The following CPEB2 variants were observed in gnomAD, a reference collection of about 807,000 sequenced individuals.
CPEB2 encodes the protein cytoplasmic polyadenylation element-binding protein 2.
In CPEB2, 56 loss-of-function variants were observed where a neutral mutation model predicts 93.6. The observed-to-expected ratio is 0.60, with a 90% CI of 0.48 to 0.75. The LOEUF (loss-of-function observed/expected upper bound fraction) is 0.75. Ranked by LOEUF, CPEB2 falls within the 30% of genes least tolerant of loss-of-function variation. The pLI is 0.00. For missense variants in CPEB2, 1,579 were observed against 1,395.1 expected, an observed-to-expected ratio of 1.13 and a Z score of -2.10; for synonymous variants, 764 against 586.3, an observed-to-expected ratio of 1.30 and a Z score of -4.38.
chr4:15,004,128 C>CGGGGGGGGGGGGGGG lies in CPEB2; in HGVS notation c.1457_1458insGGGGGGGGGGGGGGG (p.Gly483_Gly487dup). The CGGGGGGGGGGGGGGG allele has an allele frequency of 1.5e-6, 1 of 675,168 alleles. No homozygotes were observed. The highest frequency in any genetic ancestry group is 2.3e-6 in the Non-Finnish European group (1 of 426,806). The allele number at this position is 675,168 out of a possible 1,614,324, so 41.8% of individuals were successfully genotyped here. On this transcript the variant is annotated inframe_insertion, in exon 1 of 12. Coordinates refer to ENST00000538197, the MANE Select transcript of CPEB2 (RefSeq NM_001177382.2). ...GCGTTCCGACGAGCGGCGGCGGCGGCGGCGGCTTCGGCGGCCCCTTCTCGG... is the reference window on the plus strand; with the variant it reads ...GCGTTCCGACGAGCGGCGGCGGCGGCGGGGGGGGGGGGGGGGGCGGCTTCGGCGGCCCCTTCTCGG...
intron 1 of CPEB2, among the ~76,000 whole-genome samples, chr4:15,006,867 C>T (rs148562553): frequency 6.2e-4 from 95 of 152,206 alleles, no homozygotes; most frequent in African/African-American, 2.3e-3. Context: ...ATATATTTCA[C>T]TTGTATGAGT....
intron 5 of CPEB2, among the ~76,000 whole-genome samples, chr4:15,037,625 A>G (rs569701698): frequency 6.6e-6 from 1 of 152,316 alleles, no homozygotes; most frequent in South Asian, 2.1e-4. Flanking sequence ...AAAATTGTAA[A>G]GTCGCTTGTC....
rs763888753 is a variant in CPEB2, at chr4:15,004,146, C to T, written c.1473C>T (p.Pro491=). 2.8e-6 allele frequency: 4 copies of T among 1,451,876 alleles called. No homozygotes were observed. The highest frequency in any genetic ancestry group is 3.6e-6 in the Non-Finnish European group (4 of 1,097,582). The allele number at this position is 1,451,876 out of a possible 1,614,324, so 89.9% of individuals were successfully genotyped here. A position where few individuals can be genotyped will look rare whatever the true frequency, so the allele number is the denominator to read the frequency against. ...SGGGGGGFGG[P]FSATAVPPPP... is the part of the protein sequence containing the mutation. The stretch of plus-strand genomic sequence containing the variant: ...GCGGCGGCGGCGGCTTCGGCGGCCC[C>T]TTCTCGGCTACCGCTGTGCCCCCTC... The change falls in exon 1 of 12, where the codon CCC becomes CCT. Residue 491 remains proline, a synonymous_variant. Coordinates refer to ENST00000538197, the MANE Select transcript of CPEB2 (RefSeq NM_001177382.2).
In CPEB2 at chr4:15,067,776, T is replaced by G. The variant is rs1729803958; in HGVS notation, c.*1396T>G. On this transcript the variant is annotated 3_prime_UTR_variant, in exon 12 of 12. Transcript: ENST00000538197. ...TGAACTTGCTTATGTGTTTAACCTA[T>G]AAATATTGGGGTCTTCTGTCTAAAC... 1 of 152,424 alleles carries G rather than the reference T, an allele frequency of 6.6e-6. No homozygotes were observed. 9.4% of individuals were successfully genotyped at this position (152,424 alleles called of 1,614,324 possible).
intron 7 of CPEB2, among the ~76,000 whole-genome samples, chr4:15,053,246 G>A (rs1280227315): frequency 2.0e-5 from 3 of 151,956 alleles, no homozygotes; most frequent in Non-Finnish European, 4.4e-5. Context: ...TTGATCTCCT[G>A]ACCTCATGAT....
Position 15,043,492 on chromosome 4 carries a change from A to G in CPEB2, c.2200+3005A>G, listed in dbSNP as rs533467413. 2.4e-4 allele frequency among the ~76,000 whole-genome samples: 37 copies of G among 152,198 alleles called. No homozygotes were observed. The South Asian group carries it at 4.6e-3, about 19-fold the overall frequency. ...TTTAATATATGGAAAACTACTTATC[A>G]TTTGTATTTATTTTTTATTCATTGT... On this transcript the variant is annotated intron_variant, in intron 6 of 11. Coordinates refer to ENST00000538197, the MANE Select transcript of CPEB2 (RefSeq NM_001177382.2).
Position 15,003,773 on chromosome 4 carries a change from G to T in CPEB2, c.1100G>T (p.Gly367Val). ...GGGGPPGGGG[G>V]GGSASPPPLP... ...GGGGGGCCCCCAGGAGGCGGAGGGG[G>T]AGGCGGCTCCGCGTCGCCGCCGCCG... Residue 367 changes from glycine to valine, a missense_variant, in exon 1 of 12, where the codon GGA becomes GTA. This residue lies in a region of CPEB2 where 1,411 missense variants were observed against 1,056.0 expected (regional missense o/e 1.34). Coordinates refer to ENST00000538197, the MANE Select transcript of CPEB2 (RefSeq NM_001177382.2). 8.5e-7 allele frequency: 1 copy of T among 1,172,998 alleles called. No homozygotes were observed. Among genetic ancestry groups the T allele is most frequent in the Non-Finnish European group, 1.1e-6 (1 of 942,916 alleles). 72.7% of individuals were successfully genotyped at this position (1,172,998 alleles called of 1,614,324 possible). A position where few individuals can be genotyped will look rare whatever the true frequency, so the allele number is the denominator to read the frequency against.
chr4:15,026,071 G>A (rs1725424410), intron 4 of CPEB2, among the ~76,000 whole-genome samples: 1 of 152,046 alleles, frequency 6.6e-6, no homozygotes, highest in African/African-American at 2.4e-5. Flanking sequence ...TGTTCAGTTG[G>A]CAGTCTCTAA....
intron 4 of CPEB2, among the ~76,000 whole-genome samples, chr4:15,027,709 C>T (rs967841664): frequency 3.3e-5 from 5 of 152,104 alleles, no homozygotes; most frequent in African/African-American, 1.2e-4. Context: ...TATTAGATAT[C>T]TTCTATTAAG....
chr4:15,018,598 C>T lies in CPEB2; in HGVS notation c.2125+1320C>T, dbSNP rs186636425. The stretch of plus-strand genomic sequence containing the variant: ...CAGTTTCAGTGGTTTGTCTTAGATC[C>T]ACCATTTAGAATAGAAGCCAGCAGC... On this transcript the variant is annotated intron_variant, in intron 4 of 11. Transcript: ENST00000538197. Among the ~76,000 whole-genome samples, 48 of 150,816 alleles carry T rather than the reference C, an allele frequency of 3.2e-4. 1 individual carries two copies. The South Asian group carries it at 5.2e-3, about 16-fold the overall frequency.
chr4:15,047,237 G>C (rs1727796127), intron 6 of CPEB2, among the ~76,000 whole-genome samples: 1 of 151,952 alleles, frequency 6.6e-6, no homozygotes, highest in East Asian at 1.9e-4. Context: ...TGTTTGTTTT[G>C]TACGCTCTCC....
intron 1 of CPEB2, 57 bp downstream of exon 1, chr4:15,004,392 C>T: frequency 7.7e-7 from 1 of 1,291,156 alleles, no homozygotes; most frequent in Non-Finnish European, 1.0e-6. Context: ...GGGCGGGGGA[C>T]GGAGGCGGGG....
rs1477794351 is a variant in CPEB2 at position 15,002,772 on chromosome 4, G to A, written c.99G>A (p.Val33=). The A allele has an allele frequency of 4.6e-6, 7 of 1,535,408 alleles. No individual in the cohort carries two copies. The highest frequency in any genetic ancestry group is 1.2e-5 in the South Asian group (1 of 84,030). ...FCGEAYGPYA[V]GSVNPLPSAT... is the part of the protein sequence containing the mutation. ...GCGAGGCGTATGGTCCTTACGCCGTGGGGTCCGTCAACCCGCTGCCCTCCG... is the reference window on the plus strand; with the variant it reads ...GCGAGGCGTATGGTCCTTACGCCGTAGGGTCCGTCAACCCGCTGCCCTCCG... Residue 33 remains valine, a synonymous_variant, in exon 1 of 12, where the codon GTG becomes GTA. Coordinates refer to ENST00000538197, the MANE Select transcript of CPEB2 (RefSeq NM_001177382.2).
At chr4:15,015,468 C>T (rs954495497) in intron 3 of CPEB2, among the ~76,000 whole-genome samples, 4 of 151,962 alleles carry the variant, frequency 2.6e-5, no homozygotes, top group Non-Finnish European at 4.4e-5. Context: ...TACTTTTTAC[C>T]TTTTTAAATC....
In CPEB2 at chr4:15,059,317, A is replaced by T. The variant is rs1215874680; in HGVS notation, c.2695+16A>T. 6.7e-7 allele frequency: 1 copy of T among 1,498,772 alleles called. No homozygotes were observed. The highest frequency in any genetic ancestry group is 9.2e-7 in the Non-Finnish European group (1 of 1,082,834). The allele number at this position is 1,498,772 out of a possible 1,614,324, so 92.8% of individuals were successfully genotyped here. A position where few individuals can be genotyped will look rare whatever the true frequency, so the allele number is the denominator to read the frequency against. ...TTAAGGGCTGGTAAGTAGAATGTTA[A>T]CAATTTTGTTTAAAAAAATCATTTA... is the stretch of plus-strand genomic sequence containing the variant. On this transcript the variant is annotated intron_variant, in intron 10 of 11. Transcript: ENST00000538197.
intron 3 of CPEB2, among the ~76,000 whole-genome samples, chr4:15,014,855 A>C (rs1723928674): frequency 6.6e-6 from 1 of 152,100 alleles, no homozygotes; most frequent in South Asian, 2.1e-4. Context: ...CACAGGGAAG[A>C]TGGAAATATC....
At position 15,003,451 on chromosome 4, in the gene CPEB2, C is replaced by T; in HGVS notation, c.778C>T (p.Pro260Ser). Residue 260 changes from proline to serine, a missense_variant, in exon 1 of 12, where the codon CCG becomes TCG. Coordinates refer to ENST00000538197, the MANE Select transcript of CPEB2 (RefSeq NM_001177382.2). ...APRQRPADLP[P>S]LPQLPPSPPA... is the part of the protein sequence containing the mutation. ...GCGGCAGCGTCCGGCAGACCTGCCCCCGCTCCCGCAGCTCCCTCCCTCGCC... is the reference window on the plus strand; with the variant it reads ...GCGGCAGCGTCCGGCAGACCTGCCCTCGCTCCCGCAGCTCCCTCCCTCGCC... 1 of 1,363,832 alleles carries T rather than the reference C, an allele frequency of 7.3e-7. No homozygotes were observed. The highest frequency in any genetic ancestry group is 1.5e-5 in the African/African-American group (1 of 65,298). The allele number at this position is 1,363,832 out of a possible 1,614,324, so 84.5% of individuals were successfully genotyped here. A position where few individuals can be genotyped will look rare whatever the true frequency, so the allele number is the denominator to read the frequency against.
chr4:15,060,909 G>C (rs956366614), intron 10 of CPEB2, among the ~76,000 whole-genome samples: 16 of 152,244 alleles, frequency 1.1e-4, no homozygotes, highest in South Asian at 8.3e-4. Flanking sequence ...TTGGACTCTA[G>C]ATATGTTTTA....
chr4:15,040,348 A>G (rs7698803), intron 5 of CPEB2, 116 bp from the exon 6 acceptor site: 83,389 of 904,100 alleles, frequency 0.092, 7,689 homozygotes, highest in South Asian at 0.3. Flanking sequence ...TTGCTCTTAA[A>G]ACAAAGTAGC....
Sources: gnomAD v4.1 joint callset for allele counts (sites outside exome capture counted in the v4.1 genomes callset) on GRCh38, gnomAD v4.1.1 for gene constraint, gnomAD v4.1.1 regional missense constraint, MANE v1.5 for transcripts, NCBI Gene and HGNC (gene_info 2026-07-23, HGNC 2026-07-21) for gene names.